The following GABRB1 variants were observed in gnomAD, a reference collection of about 807,000 sequenced individuals.
GABRB1 encodes the protein gamma-aminobutyric acid receptor subunit beta-1.
GABRB1 carries 17 observed loss-of-function variants against 51.6 expected under a neutral mutation model. That is an observed-to-expected ratio of 0.33 (90% confidence interval 0.23 to 0.49). The LOEUF (loss-of-function observed/expected upper bound fraction) is 0.49, where lower values mean the gene tolerates loss of function less well. Among genes scored for constraint, GABRB1 ranks in the 20% least tolerant of loss-of-function variants. The pLI is 0.99. For synonymous variants in GABRB1, 247 were observed against 218.9 expected (o/e 1.13, Z -1.14); for missense variants, 410 against 600.6 (o/e 0.68, Z 3.32).
At chr4:47,077,087 C>G (rs1727588817) in intron 3 of GABRB1, among the ~76,000 whole-genome samples, 1 of 152,206 alleles carries the variant, frequency 6.6e-6, no homozygotes. Context: ...CTAAGTGCCA[C>G]CTCTTCTTTA....
At chr4:47,043,999 G>A (rs573981029) in intron 3 of GABRB1, among the ~76,000 whole-genome samples, 13 of 152,228 alleles carry the variant, frequency 8.5e-5, no homozygotes, top group South Asian at 8.3e-4. Context: ...TATTTCATAC[G>A]TTTTCCCAGA....
chr4:47,352,658 T>A (rs758596629), intron 5 of GABRB1, among the ~76,000 whole-genome samples: 5 of 152,184 alleles, frequency 3.3e-5, no homozygotes, highest in Non-Finnish European at 5.9e-5. Flanking sequence ...AGAATTTTGG[T>A]TTCTTTAGGA....
intron 1 of GABRB1, among the ~76,000 whole-genome samples, chr4:47,013,174 C>T (rs1295177401): frequency 6.7e-6 from 1 of 149,228 alleles, no homozygotes. Context: ...TAAGGCTATT[C>T]TTATCTTTAG....
At chr4:47,012,555 T>G (rs1724614309) in intron 1 of GABRB1, among the ~76,000 whole-genome samples, 2 of 152,232 alleles carry the variant, frequency 1.3e-5, no homozygotes, top group Non-Finnish European at 2.9e-5. Context: ...AGATTACCTA[T>G]GTTTAAACAT....
intron 4 of GABRB1, among the ~76,000 whole-genome samples, chr4:47,314,752 T>C (rs549653991): frequency 1.3e-5 from 2 of 151,964 alleles, no homozygotes; most frequent in African/African-American, 2.4e-5. Context: ...ATCCAGAAGA[T>C]TGAAATTACA....
At chr4:47,267,127 A>T (rs1722668345) in intron 4 of GABRB1, among the ~76,000 whole-genome samples, 1 of 152,172 alleles carries the variant, frequency 6.6e-6, no homozygotes, top group South Asian at 2.1e-4. Flanking sequence ...TTGAAAAAAA[A>T]TCTTTCTCCT....
At chr4:47,136,507 A>C (rs1338701013) in intron 3 of GABRB1, among the ~76,000 whole-genome samples, 1 of 91,698 alleles carries the variant, frequency 1.1e-5, no homozygotes, top group Non-Finnish European at 2.0e-5. Context: ...CTCTCTTACA[A>C]AGACCAAATT....
At chr4:47,118,606 G>A (rs1000646845) in intron 3 of GABRB1, among the ~76,000 whole-genome samples, 5 of 152,098 alleles carry the variant, frequency 3.3e-5, no homozygotes, top group African/African-American at 4.8e-5. Flanking sequence ...GGTTATGTAC[G>A]TGTGACCGCG....
chr4:47,020,335 A>T (rs752672439), intron 1 of GABRB1, among the ~76,000 whole-genome samples: 1 of 152,290 alleles, frequency 6.6e-6, no homozygotes, highest in African/African-American at 2.4e-5. Flanking sequence ...TGGGGGGAAC[A>T]ATTCAATTCA....
intron 4 of GABRB1, among the ~76,000 whole-genome samples, chr4:47,177,153 T>C (rs188019022): frequency 1.1e-3 from 173 of 152,150 alleles, no homozygotes; most frequent in Non-Finnish European, 2.0e-3. Context: ...ACAACTGAAA[T>C]GGCAAAGGAC....
At chr4:47,383,947 C>G (rs1020110549) in intron 5 of GABRB1, among the ~76,000 whole-genome samples, 3 of 152,074 alleles carry the variant, frequency 2.0e-5, no homozygotes, top group African/African-American at 7.2e-5. Flanking sequence ...ATCATGAAAA[C>G]CTAAAACTCC....
chr4:47,353,112 C>A lies in GABRB1; in HGVS notation c.544+32903C>A, dbSNP rs572188703. On this transcript the variant is annotated intron_variant, in intron 5 of 8. Transcript: ENST00000295454. The stretch of plus-strand genomic sequence containing the variant: ...AACCTCTGATAAAACCATCAGATCT[C>A]ATGAGACTTATTCACTACTATGAGA... Among the ~76,000 whole-genome samples, 4 of 152,276 alleles carry A rather than the reference C, an allele frequency of 2.6e-5. No individual in the cohort carries two copies. In the South Asian group the frequency reaches 8.3e-4, roughly 32 times the overall value.
intron 3 of GABRB1, among the ~76,000 whole-genome samples, chr4:47,150,646 T>C (rs201753657): frequency 2.7e-4 from 41 of 149,144 alleles, no homozygotes; most frequent in Middle Eastern, 3.4e-3. Context: ...GCCACATATA[T>C]ATACACACAC....
chr4:47,224,966 C>T (rs1044622177), intron 4 of GABRB1, among the ~76,000 whole-genome samples: 1 of 152,172 alleles, frequency 6.6e-6, no homozygotes, highest in Non-Finnish European at 1.5e-5. Flanking sequence ...GCAATCTCAG[C>T]TCACAGCAAC....
At chr4:47,199,108 T>G (rs956901079) in intron 4 of GABRB1, among the ~76,000 whole-genome samples, 38 of 152,150 alleles carry the variant, frequency 2.5e-4, no homozygotes, top group African/African-American at 8.9e-4. Context: ...AGCAACGTGT[T>G]GGAGGCGGGG....
intron 4 of GABRB1, among the ~76,000 whole-genome samples, chr4:47,258,045 A>G (rs1722284619): frequency 6.6e-6 from 1 of 152,190 alleles, no homozygotes; most frequent in African/African-American, 2.4e-5. Context: ...ATGTGTAAAA[A>G]TAGAGTTCAG....
At chr4:47,019,163 C>T (rs1724835575) in intron 1 of GABRB1, among the ~76,000 whole-genome samples, 2 of 152,106 alleles carry the variant, frequency 1.3e-5, no homozygotes, top group Admixed American at 6.6e-5. Flanking sequence ...TGGTAACTTC[C>T]TTATGGCCTC....
chr4:47,130,582 G>C (rs575817131), intron 3 of GABRB1, among the ~76,000 whole-genome samples: 2 of 152,112 alleles, frequency 1.3e-5, no homozygotes, highest in African/African-American at 2.4e-5. Context: ...CCCCAGATTA[G>C]GAATGGTCAA....
chr4:47,261,783 C>A (rs999590543), intron 4 of GABRB1, among the ~76,000 whole-genome samples: 5 of 152,198 alleles, frequency 3.3e-5, no homozygotes, highest in Non-Finnish European at 7.3e-5. Flanking sequence ...CGCTACCTGA[C>A]TTCAAACTAT....
Sources: allele counts gnomAD v4.1 joint callset (sites outside exome capture counted in the v4.1 genomes callset), GRCh38; gene constraint gnomAD v4.1.1; transcripts MANE v1.5; gene names NCBI Gene and HGNC (gene_info 2026-07-23, HGNC 2026-07-21).